CAMK2D: variants seen among roughly 807,000 people sequenced by gnomAD.
CAMK2D encodes the protein calcium/calmodulin-dependent protein kinase type II subunit delta.
A neutral mutation model predicts 84.0 loss-of-function variants in CAMK2D; 37 were observed. That is an observed-to-expected ratio of 0.44 (90% CI 0.34 to 0.58). The LOEUF (loss-of-function observed/expected upper bound fraction) is 0.58. Among genes scored for constraint, CAMK2D ranks in the 20% least tolerant of loss-of-function variants. The pLI is 0.02. For missense variants in CAMK2D, 448 were observed against 652.5 expected (o/e 0.69, Z 3.41); for synonymous variants, 202 against 212.5 (o/e 0.95, Z 0.43).
chr4:113,703,645 T>A (rs1305339568), intron 2 of CAMK2D, among the ~76,000 whole-genome samples: 1 of 146,386 alleles, frequency 6.8e-6, no homozygotes, highest in African/African-American at 2.8e-5. Context: ...ACCAAACCTA[T>A]AAGAACTTCT....
In CAMK2D at chr4:113,597,146, G is replaced by C. The variant is rs72892164; in HGVS notation, c.275+12006C>G. On this transcript the variant is annotated intron_variant, in intron 4 of 20. Transcript: ENST00000511664. ...TCCTAAAATTTTTGGAATGGTCAAT[G>C]AGCATTCATGTCTTCTTAAAGTCAT... Among the ~76,000 whole-genome samples, 1,341 of 152,198 alleles carry C rather than the reference G, an allele frequency of 8.8e-3. 12 individuals are homozygous for C. The highest frequency in any genetic ancestry group is 0.03 in the African/African-American group (1,241 of 41,534).
intron 2 of CAMK2D, among the ~76,000 whole-genome samples, chr4:113,748,034 A>C (rs1206598721): frequency 1.3e-5 from 2 of 151,686 alleles, no homozygotes; most frequent in Non-Finnish European, 2.9e-5. Flanking sequence ...TTTCCTACCT[A>C]TCTCTCAGTT....
intron 3 of CAMK2D, among the ~76,000 whole-genome samples, chr4:113,638,826 G>A (rs577253569): frequency 7.2e-5 from 11 of 152,266 alleles, no homozygotes; most frequent in African/African-American, 2.6e-4. Context: ...GACAATTGTG[G>A]TAAGGTGGAA....
intron 2 of CAMK2D, among the ~76,000 whole-genome samples, chr4:113,756,906 T>C (rs1455140579): frequency 1.3e-5 from 2 of 152,128 alleles, no homozygotes; most frequent in Non-Finnish European, 2.9e-5. Flanking sequence ...TTCTGATTAG[T>C]GTGACAATAT....
chr4:113,462,713 G>A (rs1410536868), intron 17 of CAMK2D, among the ~76,000 whole-genome samples: 2 of 151,948 alleles, frequency 1.3e-5, no homozygotes, highest in Non-Finnish European at 2.9e-5. Flanking sequence ...TATAACAGTA[G>A]TATCTGTTTA....
chr4:113,642,873 A>G (rs559769560), intron 3 of CAMK2D, among the ~76,000 whole-genome samples: 2 of 152,232 alleles, frequency 1.3e-5, no homozygotes, highest in Non-Finnish European at 1.5e-5. Context: ...ACCTTGCTGC[A>G]CTGGAAATTA....
intron 13 of CAMK2D, chr4:113,508,289 G>T: frequency 6.6e-7 from 1 of 1,508,812 alleles, no homozygotes; most frequent in Non-Finnish European, 9.0e-7. Context: ...CAGTCAAAGA[G>T]AAAGGAAAAG....
chr4:113,572,333 T>C (rs1465937949), intron 4 of CAMK2D, among the ~76,000 whole-genome samples: 1 of 152,066 alleles, frequency 6.6e-6, no homozygotes, highest in Non-Finnish European at 1.5e-5. Context: ...TCTGAGACTA[T>C]TTATAAGATT....
chr4:113,656,366 C>T (rs2099200427), intron 3 of CAMK2D, among the ~76,000 whole-genome samples: 1 of 152,070 alleles, frequency 6.6e-6, no homozygotes, highest in South Asian at 2.1e-4. Flanking sequence ...AGAGAACCAA[C>T]CTGGAGCTGT....
intron 4 of CAMK2D, among the ~76,000 whole-genome samples, chr4:113,585,768 T>C (rs2098831531): frequency 6.6e-6 from 1 of 151,854 alleles, no homozygotes; most frequent in Non-Finnish European, 1.5e-5. Context: ...TAGATTAGTA[T>C]ATAGAACTTT....
intron 4 of CAMK2D, among the ~76,000 whole-genome samples, chr4:113,604,381 T>C (rs560998071): frequency 2.6e-4 from 39 of 152,354 alleles, no homozygotes; most frequent in African/African-American, 8.7e-4. Flanking sequence ...ATATCTGTTA[T>C]GCTCTCTTTT....
intron 18 of CAMK2D, among the ~76,000 whole-genome samples, chr4:113,459,439 G>C (rs983401514): frequency 6.6e-6 from 1 of 151,956 alleles, no homozygotes; most frequent in Non-Finnish European, 1.5e-5. Flanking sequence ...TACTGGTCTT[G>C]AATTTCTGGC....
chr4:113,555,698 GTC>G, intron 4 of CAMK2D, among the ~76,000 whole-genome samples: 1 of 152,280 alleles, frequency 6.6e-6, no homozygotes, highest in South Asian at 2.1e-4. Flanking sequence ...CCAACACACT[GTC>G]TTCCACTTGT....
chr4:113,558,581 G>T (rs7679566), intron 4 of CAMK2D, among the ~76,000 whole-genome samples: 6,188 of 147,832 alleles, frequency 0.042, 163 homozygotes, highest in South Asian at 0.081. Context: ...TTCAGTATCT[G>T]CAGATTTTGT....
chr4:113,750,253 G>C (rs919762714), intron 2 of CAMK2D, among the ~76,000 whole-genome samples: 2 of 152,144 alleles, frequency 1.3e-5, no homozygotes, highest in African/African-American at 4.8e-5. Context: ...GAGGAGGCAG[G>C]ACCTGCACTG....
intron 4 of CAMK2D, among the ~76,000 whole-genome samples, chr4:113,602,846 G>C (rs1411269728): frequency 6.6e-6 from 1 of 152,174 alleles, no homozygotes; most frequent in Non-Finnish European, 1.5e-5. Flanking sequence ...CGGGGTCCCA[G>C]CCGATAAACC....
At chr4:113,527,593 G>T (rs74584318) in intron 8 of CAMK2D, among the ~76,000 whole-genome samples, 4,290 of 152,158 alleles carry the variant, frequency 0.028, 177 homozygotes, top group African/African-American at 0.097. Context: ...TCTGAGGTTT[G>T]CCTGTATATG....
chr4:113,534,342 G>T (rs59134664), intron 7 of CAMK2D, among the ~76,000 whole-genome samples: 1 of 151,954 alleles, frequency 6.6e-6, no homozygotes, highest in Non-Finnish European at 1.5e-5. Context: ...AAAAGAAAAA[G>T]AAAGAGAAAA....
chr4:113,759,333 C>T lies in CAMK2D; in HGVS notation c.147G>A (p.Lys49=). The T allele has an allele frequency of 6.2e-7, 1 of 1,606,154 alleles. No individual in the cohort carries two copies. The highest frequency in any genetic ancestry group is 8.5e-7 in the Non-Finnish European group (1 of 1,175,324). ...GAAAATACCCACCCCTAGCAGAAAG[C>T]TTTTTGGTGTTGATAATTTTGGCAG... ...EYAAKIINTK[K]LSARDHQKLE... is the part of the protein sequence containing the mutation. Residue 49 remains lysine, a synonymous_variant, in exon 2 of 21, where the codon AAG becomes AAA. Coordinates refer to ENST00000511664, the MANE Select transcript of CAMK2D (RefSeq NM_001321571.2).
Sources: gnomAD v4.1 joint callset for allele counts (sites outside exome capture counted in the v4.1 genomes callset) on GRCh38, gnomAD v4.1.1 for gene constraint, MANE v1.5 for transcripts, NCBI Gene and HGNC (gene_info 2026-07-23, HGNC 2026-07-21) for gene names.